Variants in PSG1 observed in about 807,000 individuals in gnomAD.
PSG1 encodes pregnancy specific beta-1-glycoprotein 1, also known as pregnancy-specific beta-1-glycoprotein 1.
A neutral mutation model predicts 41.4 loss-of-function variants in PSG1; 60 were observed. That is an observed-to-expected ratio of 1.45 (90% CI 1.18 to 1.80). The LOEUF is 1.80. Among genes scored for constraint, PSG1 ranks in the 40% most tolerant of loss-of-function variants. PSG1 has a pLI of 0.00. For synonymous variants in PSG1, 256 were observed against 192.9 expected (o/e 1.33, Z -2.71); for missense variants, 806 against 516.9 (o/e 1.56, Z -5.42).
intron 2 of PSG1, among the ~76,000 whole-genome samples, chr19:42,873,621 A>T (rs1197976534): frequency 1.3e-5 from 2 of 151,720 alleles, no homozygotes; most frequent in Non-Finnish European, 2.9e-5. Flanking sequence ...TGTGCCGTGA[A>T]TTCCAGCAGG....
chr19:42,870,095 A>G (rs989304847), intron 3 of PSG1: 6 of 151,778 alleles, frequency 4.0e-5, no homozygotes, highest in African/African-American at 1.5e-4. Context: ...GGGTAGAATC[A>G]GAAGTTGTTC....
At chr19:42,869,191 C>A in intron 3 of PSG1, 157 bp from the exon 4 acceptor site, 1 of 1,464,568 alleles carries the variant, frequency 6.8e-7, no homozygotes, top group Non-Finnish European at 9.1e-7. Flanking sequence ...GCATGATGAT[C>A]TAAGGGCTCA....
intron 3 of PSG1, among the ~76,000 whole-genome samples, chr19:42,871,432 C>T (rs10403391): frequency 0.032 from 4,784 of 151,622 alleles, 311 homozygotes; most frequent in African/African-American, 0.11. Flanking sequence ...TGTGGAAGGG[C>T]CACAATCACA....
chr19:42,879,702 G>A lies in PSG1; in HGVS notation c.-121C>T. 3 of 1,439,416 alleles carry A rather than the reference G, an allele frequency of 2.1e-6. No individual in the cohort carries two copies. The highest frequency in any genetic ancestry group is 1.9e-4 in the Middle Eastern group (1 of 5,206). The allele number at this position is 1,439,416 out of a possible 1,614,324, so 89.2% of individuals were successfully genotyped here. ...CTGTGCTGAGCCTCTTCCCAGGGCA[G>A]GAGCAATTCTCAAGCTCATGGGCAG... On this transcript the variant is annotated 5_prime_UTR_variant, in exon 1 of 6. Coordinates refer to ENST00000436291, the MANE Select transcript of PSG1 (RefSeq NM_001184825.2).
In PSG1 at chr19:42,868,841, C is replaced by T. The variant is rs62113010; in HGVS notation, c.903G>A (p.Thr301=). Residue 301 remains threonine (T), a synonymous_variant, in exon 4 of 6, where the codon ACG becomes ACA. Coordinates refer to ENST00000436291, the MANE Select transcript of PSG1 (RefSeq NM_001184825.2). ...ENRILILPSV[T]RNETGPYQCE... ...ATTGATAGGGTCCTGTTTCATTTCT[C>T]GTGACACTGGGTAGAATGAGGATCC... The T allele has an allele frequency of 0.052, 83,836 of 1,611,370 alleles. 4,247 individuals are homozygous for T. The highest frequency in any genetic ancestry group is 0.066 in the South Asian group (5,979 of 90,746).
intron 2 of PSG1, among the ~76,000 whole-genome samples, chr19:42,872,905 G>A (rs1407820661): frequency 6.6e-6 from 1 of 151,768 alleles, no homozygotes; most frequent in African/African-American, 2.4e-5. Flanking sequence ...CGGAAGTCTG[G>A]CCCTCATGGA....
At position 42,868,897 on chromosome 19, in the gene PSG1, T is replaced by C. The variant is rs1485644968; in HGVS notation, c.847A>G (p.Ser283Gly). 1.2e-6 allele frequency: 2 copies of C among 1,610,588 alleles called. No homozygotes were observed. The highest frequency in any genetic ancestry group is 2.2e-5 in the East Asian group (1 of 44,816). Residue 283 changes from serine to glycine, a missense_variant, in exon 4 of 6, where the codon AGT becomes GGT. Coordinates refer to ENST00000436291, the MANE Select transcript of PSG1 (RefSeq NM_001184825.2). ...WWLNGQSLPV[S>G]PRVKRPIENR... is the part of the protein sequence containing the mutation. ...TCAATGGGTCGCTTTACCCTGGGAC[T>C]GACCGGGAGGCTCTGACCATTTAGC...
chr19:42,868,793 AC>A lies in PSG1; in HGVS notation c.950del (p.Gly317ValfsTer10). 6.2e-7 allele frequency: 1 copy of A among 1,612,036 alleles called. No individual in the cohort carries two copies. The highest frequency in any genetic ancestry group is 1.3e-5 in the African/African-American group (1 of 74,790). On this transcript the variant is annotated frameshift_variant, in exon 4 of 6. Transcript: ENST00000436291. LOFTEE classifies it high-confidence loss of function. ...GGGTGACTGGGTCACTGCGGATGCCACCATATCGGTCCCGTATTTCACATTG... is the reference window on the plus strand; with the variant it reads ...GGGTGACTGGGTCACTGCGGATGCCACATATCGGTCCCGTATTTCACATTG... ...PYQCEIRDRY[G>X]GIRSDPVTLN... is the part of the protein sequence containing the mutation.
chr19:42,878,554 C>T, intron 1 of PSG1: 1 of 483,836 alleles, frequency 2.1e-6, no homozygotes. Flanking sequence ...GTTTGGAATC[C>T]TCTTCCCCAG....
At chr19:42,868,709 G>A (rs144659290) in intron 4 of PSG1, 47 bp downstream of exon 4, 2 of 1,604,572 alleles carry the variant, frequency 1.2e-6, no homozygotes, top group African/African-American at 1.3e-5. Flanking sequence ...CTGGTGGTTT[G>A]GATTTAAGCT....
At position 42,872,013 on chromosome 19, in the gene PSG1, T is replaced by C; in HGVS notation, c.463A>G (p.Asn155Asp). The C allele has an allele frequency of 6.2e-7, 1 of 1,612,310 alleles. No homozygotes were observed. Among genetic ancestry groups the C allele is most frequent in the Non-Finnish European group, 8.5e-7 (1 of 1,179,144 alleles). The change falls in exon 3 of 6, where the codon AAC (asparagine) becomes GAC (aspartate). Residue 155 changes from asparagine to aspartate, a missense_variant. Physicochemically the swap from Asn to Asp is conservative, Grantham distance 23. Coordinates refer to ENST00000436291, the MANE Select transcript of PSG1 (RefSeq NM_001184825.2). The stretch of plus-strand genomic sequence containing the variant: ...TCCATGGTCTCCCTGGGATTTAAGT[T>C]GCTGCTGGAGATGGAGGGCTTAGGA... ...ETPKPSISSS[N>D]LNPRETMEAV...
chr19:42,876,881 C>G (rs577878984), intron 2 of PSG1: 2 of 152,506 alleles, frequency 1.3e-5, no homozygotes, highest in African/African-American at 2.4e-5. Flanking sequence ...CCAGTAAGCC[C>G]TCACTTCTGG....
chr19:42,876,075 C>T (rs1325700016), intron 2 of PSG1, among the ~76,000 whole-genome samples: 2 of 151,246 alleles, frequency 1.3e-5, no homozygotes, highest in African/African-American at 4.9e-5. Context: ...GGAGGTGGGC[C>T]AGGCCACAGT....
rs1971182202 is a variant in PSG1, at chr19:42,867,526, A to G, written c.1244-376T>C. 1.1e-4 allele frequency: 67 copies of G among 605,150 alleles called. 3 individuals are homozygous for G. The South Asian group carries it at 1.4e-3, about 13-fold the overall frequency. 37.5% of individuals were successfully genotyped at this position (605,150 alleles called of 1,614,324 possible). A position where few individuals can be genotyped will look rare whatever the true frequency, so the allele number is the denominator to read the frequency against. ...GGTTCATTCTATCTATGTTTTTAATATAACATCCGAATCAAAGCATTGGTA... is the reference window on the plus strand; with the variant it reads ...GGTTCATTCTATCTATGTTTTTAATGTAACATCCGAATCAAAGCATTGGTA... On this transcript the variant is annotated intron_variant, in intron 5 of 5. Coordinates refer to ENST00000436291, the MANE Select transcript of PSG1 (RefSeq NM_001184825.2).
In PSG1 at chr19:42,868,780, C is replaced by A. The variant is rs17420655; in HGVS notation, c.964G>T (p.Asp322Tyr). Residue 322 changes from aspartate to tyrosine, a missense_variant, in exon 4 of 6, where the codon GAC becomes TAC. Physicochemically the swap from Asp to Tyr is radical, Grantham distance 160 (BLOSUM62 -3). Transcript: ENST00000436291. ...CAGAGGACATTCAGGGTGACTGGGT[C>A]ACTGCGGATGCCACCATATCGGTCC... The part of the protein sequence containing the change: ...IRDRYGGIRS[D>Y]PVTLNVLYGP... The A allele has an allele frequency of 5.0e-5, 79 of 1,588,940 alleles. 4 individuals carry two copies. The Middle Eastern group carries it at 8.5e-4, about 17-fold the overall frequency.
rs752587749 is a variant in PSG1, at chr19:42,879,477, G to T, written c.64+41C>A. The T allele has an allele frequency of 3.0e-5, 48 of 1,603,628 alleles. 2 individuals carry two copies. The South Asian group carries it at 4.2e-4, about 14-fold the overall frequency. On this transcript the variant is annotated intron_variant, in intron 1 of 5. Coordinates refer to ENST00000436291, the MANE Select transcript of PSG1 (RefSeq NM_001184825.2). ...CCAGGAGACCCCATCCAGTCACTCT[G>T]CTTCCTCCTCCTGTCCTCTCCCAGG...
rs1377176581 is a variant in PSG1, at chr19:42,866,893, G to T, written c.*241C>A. 1 of 661,296 alleles carries T rather than the reference G, an allele frequency of 1.5e-6. No homozygotes were observed. Among genetic ancestry groups the T allele is most frequent in the African/African-American group, 1.8e-5 (1 of 56,006 alleles). The allele number at this position is 661,296 out of a possible 1,614,324, so 41.0% of individuals were successfully genotyped here. A position where few individuals can be genotyped will look rare whatever the true frequency, so the allele number is the denominator to read the frequency against. On this transcript the variant is annotated 3_prime_UTR_variant, in exon 6 of 6. Coordinates refer to ENST00000436291, the MANE Select transcript of PSG1 (RefSeq NM_001184825.2). ...TGGGGAGTCTTGTTCTGACATCTTG[G>T]GAAAAACTGTCCACAGTGTGAAGTC... is the stretch of plus-strand genomic sequence containing the variant.
chr19:42,878,447 T>G, intron 1 of PSG1, 169 bp from the exon 2 acceptor site: 1 of 905,808 alleles, frequency 1.1e-6, no homozygotes. Flanking sequence ...CATGTGTGAT[T>G]GTGTGTGTGT....
intron 2 of PSG1, among the ~76,000 whole-genome samples, 196 bp downstream of exon 2, chr19:42,877,717 T>C (rs1013939044): frequency 2.0e-5 from 3 of 151,610 alleles, no homozygotes; most frequent in African/African-American, 7.3e-5. Context: ...GTCTGCAGGG[T>C]CTGGATGCAG....
Sources: gnomAD v4.1 joint callset for allele counts (sites outside exome capture counted in the v4.1 genomes callset) on GRCh38, gnomAD v4.1.1 for gene constraint, MANE v1.5 for transcripts, NCBI Gene and HGNC (gene_info 2026-07-23, HGNC 2026-07-21) for gene names.